The following CCND3 variants were observed in gnomAD, a reference collection of about 807,000 sequenced individuals.
CCND3 encodes the protein G1/S-specific cyclin-D3.
A neutral mutation model predicts 28.7 loss-of-function variants in CCND3; 9 were observed. The ratio of observed to expected loss-of-function variants is 0.31; its 90% CI spans 0.19 to 0.55. The LOEUF is 0.55. Ranked by LOEUF, CCND3 falls within the 20% of genes least tolerant of loss-of-function variation. The pLI, the probability that CCND3 is intolerant of heterozygous loss-of-function variation, is 0.93. For synonymous variants in CCND3, 164 were observed against 163.9 expected (o/e 1.00, Z 0.00); for missense variants, 315 against 385.8 (o/e 0.82, Z 1.54).
chr6:41,941,334 G>T lies in CCND3; in HGVS notation c.198+118C>A, dbSNP rs1308149483. On this transcript the variant is annotated intron_variant, in intron 1 of 4. Coordinates refer to ENST00000372991, the MANE Select transcript of CCND3 (RefSeq NM_001760.5). This position sits in a 1 kb window ranked among gnomAD's most constrained non-coding sequence, Gnocchi z 6.1. ...GCCCTAGTGAAAGGCCAGGCCCCGG[G>T]AGTCTTAGCCTCGGAGCATCCTGCA... 6.6e-7 allele frequency: 1 copy of T among 1,504,246 alleles called. No homozygotes were observed. Among genetic ancestry groups the T allele is most frequent in the Non-Finnish European group, 8.9e-7 (1 of 1,129,898 alleles). 93.2% of individuals were successfully genotyped at this position (1,504,246 alleles called of 1,614,324 possible).
chr6:42,005,377 A>G lies in CCND3; in HGVS notation c.-46+43124T>C, dbSNP rs539455916. On this transcript the variant is annotated intron_variant, in intron 1 of 4. Coordinates refer to the CCND3 transcript ENST00000372988. ...AGCAGCATGGTGAAACCCTGCCTCT[A>G]CTAAAAATACAAAAATTAGTTGGGC... 3.7e-4 allele frequency among the ~76,000 whole-genome samples: 57 copies of G among 152,012 alleles called. 1 individual carries two copies. In the East Asian group the frequency reaches 0.011, roughly 29 times the overall value.
Position 41,940,426 on chromosome 6 carries a change from T to C in CCND3, c.358A>G (p.Thr120Ala). ...ASKLRETTPL[T>A]IEKLCIYTDH... Reference sequence around the variant, plus strand: ...GTGTAGATGCACAGTTTTTCGATGGTCAGGGGCGTGGTCTCGCGCAGCTTG... The same window carrying C: ...GTGTAGATGCACAGTTTTTCGATGGCCAGGGGCGTGGTCTCGCGCAGCTTG... Residue 120 changes from threonine (T) to alanine (A), a missense_variant, in exon 2 of 5, where the codon ACC (threonine) becomes GCC (alanine). Coordinates refer to ENST00000372991, the MANE Select transcript of CCND3 (RefSeq NM_001760.5). The C allele has an allele frequency of 6.2e-7, 1 of 1,613,724 alleles. No homozygotes were observed. Among genetic ancestry groups the C allele is most frequent in the African/African-American group, 1.3e-5 (1 of 74,852 alleles).
intron 1 of CCND3, among the ~76,000 whole-genome samples, chr6:41,985,390 T>G (rs1478085652): frequency 7.1e-6 from 1 of 140,096 alleles, no homozygotes; most frequent in African/African-American, 2.6e-5. Flanking sequence ...CTCAGCTCAC[T>G]GCAACCTCCG....
intron 1 of CCND3, among the ~76,000 whole-genome samples, chr6:42,045,573 A>C (rs947271820): frequency 2.0e-5 from 3 of 152,232 alleles, no homozygotes; most frequent in Admixed American, 1.3e-4. Flanking sequence ...AAGGGGCCAA[A>C]GAAGAGACTT....
chr6:42,042,263 G>A (rs1764389137), intron 1 of CCND3, among the ~76,000 whole-genome samples: 1 of 152,142 alleles, frequency 6.6e-6, no homozygotes, highest in South Asian at 2.1e-4. Flanking sequence ...TGGTGATAAT[G>A]ACAGCAGCTA....
chr6:42,030,321 G>A (rs1764007995), intron 1 of CCND3: 1 of 152,264 alleles, frequency 6.6e-6, no homozygotes. Context: ...AGTATGTCTA[G>A]AAAGTAATAT....
chr6:41,956,527 T>C (rs1243749319), intron 1 of CCND3, among the ~76,000 whole-genome samples: 2 of 152,148 alleles, frequency 1.3e-5, no homozygotes, highest in East Asian at 3.9e-4. Flanking sequence ...TTACACATGT[T>C]TATGTATGGC....
intron 1 of CCND3, among the ~76,000 whole-genome samples, chr6:42,027,364 C>T (rs1036496978): frequency 3.3e-5 from 5 of 149,590 alleles, no homozygotes; most frequent in African/African-American, 5.0e-5. Flanking sequence ...GGCGTGAACG[C>T]GGGAGGCAGA....
At position 41,936,641 on chromosome 6, in the gene CCND3, G is replaced by A; in HGVS notation, c.629C>T (p.Ala210Val). The stretch of plus-strand genomic sequence containing the variant: ...GCAGGCACCCAGGCCTTGCACTGCA[G>A]CCCCAATGCTGCCCGTGGCGATCAT... ...PSMIATGSIGAAVQGLGACSM... is the reference protein window; with the variant it reads ...PSMIATGSIGVAVQGLGACSM... The change falls in exon 4 of 5, where the codon GCT becomes GTT. Residue 210 changes from alanine to valine, a missense_variant. Transcript: ENST00000372991. The surrounding 1 kb of genome is among the most constrained non-coding windows in gnomAD (Gnocchi z 4.4). The A allele has an allele frequency of 6.2e-7, 1 of 1,614,190 alleles. No individual in the cohort carries two copies. The highest frequency in any genetic ancestry group is 1.1e-5 in the South Asian group (1 of 91,086).
At chr6:42,039,670 T>A (rs1022977982) in intron 1 of CCND3, among the ~76,000 whole-genome samples, 1 of 152,222 alleles carries the variant, frequency 6.6e-6, no homozygotes, top group African/African-American at 2.4e-5. Flanking sequence ...ATTGCCGCAG[T>A]TGGGGTGGCT....
intron 1 of CCND3, among the ~76,000 whole-genome samples, chr6:41,959,566 C>T (rs1454493656): frequency 6.6e-6 from 1 of 151,744 alleles, no homozygotes; most frequent in Admixed American, 6.6e-5. Context: ...TGCCTGTAAT[C>T]CCAGCTACTC....
At chr6:41,974,933 C>T (rs1030999012) in intron 1 of CCND3, among the ~76,000 whole-genome samples, 2 of 151,552 alleles carry the variant, frequency 1.3e-5, no homozygotes, top group African/African-American at 4.8e-5. Flanking sequence ...GGTGGGATTA[C>T]AGGCGCCTGC....
chr6:41,950,608 C>T (rs1429118712), intron 1 of CCND3, among the ~76,000 whole-genome samples: 1 of 152,070 alleles, frequency 6.6e-6, no homozygotes, highest in African/African-American at 2.4e-5. Flanking sequence ...TGGTCATTAA[C>T]AATCAGGTGC....
In CCND3 at chr6:42,048,737, AAG is replaced by A. The variant is rs1435989353; in HGVS notation, c.-284_-283del. 25 of 497,948 alleles carry A rather than the reference AAG, an allele frequency of 5.0e-5. No homozygotes were observed. The Admixed American group carries it at 5.0e-4, about 10-fold the overall frequency. The allele number at this position is 497,948 out of a possible 1,614,324, so 30.8% of individuals were successfully genotyped here. A position where few individuals can be genotyped will look rare whatever the true frequency, so the allele number is the denominator to read the frequency against. On this transcript the variant is annotated 5_prime_UTR_variant, in exon 1 of 5. Transcript: ENST00000372988. The surrounding 1 kb of genome is among the most constrained non-coding windows in gnomAD (Gnocchi z 4.7). The stretch of plus-strand genomic sequence containing the variant: ...ATCCAGAGCTGGGCAGGAAGTGGGG[AAG>A]AGGGGGCGGAGGAGACAAAGGGGCT...
upstream of CCND3, among the ~76,000 whole-genome samples, chr6:41,943,168 T>C (rs1159753077): frequency 6.6e-6 from 1 of 152,194 alleles, no homozygotes; most frequent in African/African-American, 2.4e-5. Context: ...GGCCGAATTA[T>C]TCTTTCTTAT....
chr6:41,951,162 G>T (rs1776302478), intron 1 of CCND3, among the ~76,000 whole-genome samples: 1 of 152,076 alleles, frequency 6.6e-6, no homozygotes, highest in Non-Finnish European at 1.5e-5. Context: ...TGACAGGAAG[G>T]GTGGGCTGTC....
rs1775882826 is a variant in CCND3 at position 41,938,507 on chromosome 6, G to A, written c.415-1113C>T. Among the ~76,000 whole-genome samples, 1 of 152,156 alleles carries A rather than the reference G, an allele frequency of 6.6e-6. No individual in the cohort carries two copies. The highest frequency in any genetic ancestry group is 2.1e-4 in the South Asian group (1 of 4,816). On this transcript the variant is annotated intron_variant, in intron 2 of 4. Transcript: ENST00000372991. This position sits in a 1 kb window ranked among gnomAD's most constrained non-coding sequence, Gnocchi z 4.6. The stretch of plus-strand genomic sequence containing the variant: ...ACGCTACCCCTAGTGCATGTCCCAG[G>A]AGCCAACTCCTAACTCAGCAGTAAA...
intron 1 of CCND3, among the ~76,000 whole-genome samples, chr6:42,005,859 A>G (rs1368210195): frequency 1.3e-5 from 2 of 151,784 alleles, no homozygotes; most frequent in East Asian, 3.9e-4. Context: ...AATTTTTTGT[A>G]TTTTTAGTAG....
At chr6:41,963,210 T>C (rs1232205532) in intron 1 of CCND3, among the ~76,000 whole-genome samples, 1 of 152,128 alleles carries the variant, frequency 6.6e-6, no homozygotes, top group African/African-American at 2.4e-5. Context: ...CTAAAATCCT[T>C]CCCCAATCTC....
Sources: gnomAD v4.1 joint callset for allele counts (sites outside exome capture counted in the v4.1 genomes callset) on GRCh38, gnomAD v4.1.1 for gene constraint, Gnocchi (gnomAD v3.1) non-coding constraint, MANE v1.5 for transcripts, NCBI Gene and HGNC (gene_info 2026-07-23, HGNC 2026-07-21) for gene names.